RYR1: variants seen among roughly 807,000 people sequenced by gnomAD.
RYR1 encodes the protein central core disease of muscle.
RYR1 carries 342 observed loss-of-function variants against 583.5 expected under a neutral mutation model. The ratio of observed to expected loss-of-function variants is 0.59; its 90% CI spans 0.54 to 0.64. The LOEUF is 0.64. Among genes scored for constraint, RYR1 ranks in the 30% least tolerant of loss-of-function variants. The pLI is 0.00. For synonymous variants in RYR1, 2,791 were observed against 2,822.5 expected (o/e 0.99, Z 0.35); for missense variants, 6,032 against 6,917.2 (o/e 0.87, Z 4.54).
At position 38,483,201 on chromosome 19, in the gene RYR1, G is replaced by GT; in HGVS notation, c.4707+88_4708-88insT. 1 of 1,589,022 alleles carries GT rather than the reference G, an allele frequency of 6.3e-7. No homozygotes were observed. Among genetic ancestry groups the GT allele is most frequent in the Non-Finnish European group, 8.6e-7 (1 of 1,162,262 alleles). ...AGGCGGGCAGAGCCACTGAAGGGGA[G>GT]GGGGCAATCCAAGAGGTCTCCCTGG... On this transcript the variant is annotated intron_variant, in intron 32 of 105. Transcript: ENST00000359596. This position sits in a 1 kb window ranked among gnomAD's most constrained non-coding sequence, Gnocchi z 6.3.
At position 38,526,988 on chromosome 19, in the gene RYR1, C is replaced by T. The variant is rs751205719; in HGVS notation, c.10627-5C>T. Reference sequence around the variant, plus strand: ...GAGTGACCCAGCCTGGCTCTGTCTCCCCAGAAAGACACAGATGAGGAGGTC... The same window carrying T: ...GAGTGACCCAGCCTGGCTCTGTCTCTCCAGAAAGACACAGATGAGGAGGTC... On this transcript the variant is annotated splice_polypyrimidine_tract_variant and splice_region_variant and intron_variant, in intron 71 of 105. Coordinates refer to ENST00000359596, the MANE Select transcript of RYR1 (RefSeq NM_000540.3). 1.9e-5 allele frequency: 31 copies of T among 1,613,688 alleles called. No homozygotes were observed. In the South Asian group the frequency reaches 3.2e-4, roughly 17 times the overall value.
rs1291656412 is a variant in RYR1 at position 38,494,334 on chromosome 19, G to A, written c.6275-18G>A. The A allele has an allele frequency of 6.2e-7, 1 of 1,610,986 alleles. No individual in the cohort carries two copies. The highest frequency in any genetic ancestry group is 1.3e-5 in the African/African-American group (1 of 74,864). ...TGCCCTGCATGGTGCTCCAAGCCTTGCATTGTCTCCTTCCCAGGGTCCCTG... is the reference window on the plus strand; with the variant it reads ...TGCCCTGCATGGTGCTCCAAGCCTTACATTGTCTCCTTCCCAGGGTCCCTG... On this transcript the variant is annotated intron_variant, in intron 38 of 105. Transcript: ENST00000359596.
chr19:38,470,511 G>T (rs370169939), intron 27 of RYR1, among the ~76,000 whole-genome samples: 2 of 151,280 alleles, frequency 1.3e-5, no homozygotes, highest in African/African-American at 4.9e-5. Context: ...AGGCCAAGGC[G>T]GGCAGATCAC....
rs1469350494 is a variant in RYR1, at chr19:38,535,406, G to A, written c.11516+14G>A. The stretch of plus-strand genomic sequence containing the variant: ...GCAAACATGCAGGTAGGTTCGAGTG[G>A]ACCTCTTCTTGTTAAGCTGTGTTTG... On this transcript the variant is annotated intron_variant, in intron 81 of 105. Transcript: ENST00000359596. The A allele has an allele frequency of 6.2e-7, 1 of 1,605,282 alleles. No individual in the cohort carries two copies. The highest frequency in any genetic ancestry group is 8.5e-7 in the Non-Finnish European group (1 of 1,171,972).
chr19:38,445,520 G>C (rs1972899251), intron 7 of RYR1, among the ~76,000 whole-genome samples: 1 of 152,012 alleles, frequency 6.6e-6, no homozygotes, highest in Admixed American at 6.6e-5. Flanking sequence ...CCCACGCTGG[G>C]ACTCAAACCA....
rs527490439 is a variant in RYR1 at position 38,435,028 on chromosome 19, G to A, written c.45+1154G>A. 1.6e-3 allele frequency among the ~76,000 whole-genome samples: 245 copies of A among 152,170 alleles called. 1 individual carries two copies. The highest frequency in any genetic ancestry group is 6.8e-3 in the Middle Eastern group (2 of 294). On this transcript the variant is annotated intron_variant, in intron 1 of 105. Transcript: ENST00000359596. Reference sequence around the variant, plus strand: ...TCTCCCCAGCCCCAGCCCCTCAGCAGACACCATGGGTCGGGCCCTCCCCAG... The same window carrying A: ...TCTCCCCAGCCCCAGCCCCTCAGCAAACACCATGGGTCGGGCCCTCCCCAG...
Position 38,563,051 on chromosome 19 carries a change from T to C in RYR1, c.12624+1597T>C, listed in dbSNP as rs2960339. Among the ~76,000 whole-genome samples, 58,026 of 151,914 alleles carry C rather than the reference T, an allele frequency of 0.38. 11,853 individuals are homozygous for C. Among genetic ancestry groups the C allele is most frequent in the African/African-American group, 0.52 (21,742 of 41,436 alleles). The stretch of plus-strand genomic sequence containing the variant: ...TGTTCACCACGGCCCTTCCCACTCA[T>C]TCTTTGCACGTGCTGGGGGAGCTCT... On this transcript the variant is annotated intron_variant, in intron 90 of 105. Transcript: ENST00000359596.
rs1281504063 is a variant in RYR1 at position 38,443,811 on chromosome 19, G to A, written c.424+15G>A. ...GGACGCAACAGGTGCAGCAGCTGGAGGGGATGGGGGTGTGAAGGGGCCCCG... is the reference window on the plus strand; with the variant it reads ...GGACGCAACAGGTGCAGCAGCTGGAAGGGATGGGGGTGTGAAGGGGCCCCG... On this transcript the variant is annotated intron_variant, in intron 5 of 105. Coordinates refer to ENST00000359596, the MANE Select transcript of RYR1 (RefSeq NM_000540.3). The A allele has an allele frequency of 2.5e-6, 4 of 1,613,768 alleles. No individual in the cohort carries two copies. The highest frequency in any genetic ancestry group is 2.5e-6 in the Non-Finnish European group (3 of 1,179,802).
chr19:38,534,478 G>C (rs941707398), intron 78 of RYR1, among the ~76,000 whole-genome samples: 1 of 152,194 alleles, frequency 6.6e-6, no homozygotes, highest in African/African-American at 2.4e-5. Flanking sequence ...AGGCCCATGG[G>C]CCCAGGTTAA....
intron 76 of RYR1, among the ~76,000 whole-genome samples, chr19:38,530,872 G>A (rs983344109): frequency 4.0e-5 from 6 of 151,660 alleles, no homozygotes; most frequent in African/African-American, 2.4e-5. Flanking sequence ...GCGCAATCTC[G>A]GCTCGCTGCA....
chr19:38,523,126 A>C lies in RYR1; in HGVS notation c.10347+11A>C. ...TGGTCCAAGTCCCACGTGAGTGCCCACCCCAACCGCCCTCCCCACAACCAG... is the reference window on the plus strand; with the variant it reads ...TGGTCCAAGTCCCACGTGAGTGCCCCCCCCAACCGCCCTCCCCACAACCAG... On this transcript the variant is annotated intron_variant, in intron 68 of 105. Coordinates refer to ENST00000359596, the MANE Select transcript of RYR1 (RefSeq NM_000540.3). 1.2e-6 allele frequency: 2 copies of C among 1,612,734 alleles called. No individual in the cohort carries two copies. The highest frequency in any genetic ancestry group is 1.7e-6 in the Non-Finnish European group (2 of 1,179,508).
In RYR1 at chr19:38,477,877, G is replaced by A; in HGVS notation, c.4454+7G>A. ...AAGGCAACGTCCACAGCAGGTGCCGGGGCTGGGGGGAGGTGGGAGGTGCAG... is the reference window on the plus strand; with the variant it reads ...AAGGCAACGTCCACAGCAGGTGCCGAGGCTGGGGGGAGGTGGGAGGTGCAG... On this transcript the variant is annotated splice_region_variant and intron_variant, in intron 30 of 105. Transcript: ENST00000359596. The A allele has an allele frequency of 6.2e-7, 1 of 1,611,578 alleles. No homozygotes were observed.
chr19:38,469,986 C>T (rs1039144626), intron 27 of RYR1, among the ~76,000 whole-genome samples: 1 of 151,994 alleles, frequency 6.6e-6, no homozygotes, highest in Non-Finnish European at 1.5e-5. Flanking sequence ...TGGAGGATTG[C>T]TTGATTCCAA....
At chr19:38,460,628 G>C (rs1296918238) in intron 20 of RYR1, 37 bp downstream of exon 20, 1 of 1,576,002 alleles carries the variant, frequency 6.3e-7, no homozygotes, top group South Asian at 1.1e-5. Context: ...TGGCGAGGCA[G>C]GGTCTCTTAG....
In RYR1 at chr19:38,496,982, C is replaced by T; in HGVS notation, c.6891+28C>T. ...GTGGAGGGCAGGGCTGGGCCCCAGGCCTAAGGGAGGAAATCGGGCCGCTAC... is the reference window on the plus strand; with the variant it reads ...GTGGAGGGCAGGGCTGGGCCCCAGGTCTAAGGGAGGAAATCGGGCCGCTAC... On this transcript the variant is annotated intron_variant, in intron 42 of 105. Transcript: ENST00000359596. The surrounding 1 kb of genome is among the most constrained non-coding windows in gnomAD (Gnocchi z 4.8). 1 of 1,595,038 alleles carries T rather than the reference C, an allele frequency of 6.3e-7. No individual in the cohort carries two copies. Among genetic ancestry groups the T allele is most frequent in the Non-Finnish European group, 8.6e-7 (1 of 1,163,498 alleles).
chr19:38,504,770 G>A lies in RYR1; in HGVS notation c.8090G>A (p.Arg2697His), dbSNP rs1254090942. Residue 2697 changes from arginine (R) to histidine (H), a missense_variant, in exon 51 of 106, where the codon CGC becomes CAC. Around this residue, in one of 11 missense-constraint regions of RYR1, gnomAD observed 1,493 missense variants for 1,715.5 expected, o/e 0.87. Transcript: ENST00000359596. The part of the protein sequence containing the change: ...AHKKYDPELY[R>H]MAMPCLCAIA... ...CAGAAATACGACCCGGAGCTGTACCGCATGGCCATGCCTTGTCTGTGCGCC... is the reference window on the plus strand; with the variant it reads ...CAGAAATACGACCCGGAGCTGTACCACATGGCCATGCCTTGTCTGTGCGCC... 34 of 1,613,990 alleles carry A rather than the reference G, an allele frequency of 2.1e-5. No homozygotes were observed. Among genetic ancestry groups the A allele is most frequent in the East Asian group, 6.7e-5 (3 of 44,890 alleles).
intron 78 of RYR1, among the ~76,000 whole-genome samples, chr19:38,533,225 T>C (rs191655457): frequency 6.6e-6 from 1 of 152,236 alleles, no homozygotes; most frequent in Admixed American, 6.5e-5. Flanking sequence ...GAGAATAGTA[T>C]ATGCCAAGGC....
intron 1 of RYR1, among the ~76,000 whole-genome samples, chr19:38,437,408 C>CT (rs1972476553): frequency 6.6e-6 from 1 of 152,124 alleles, no homozygotes; most frequent in Admixed American, 6.6e-5. Flanking sequence ...ATTGGGCTCT[C>CT]TGTCGCTGCT....
chr19:38,564,532 T>C (rs1195603791), intron 90 of RYR1, among the ~76,000 whole-genome samples: 2 of 151,832 alleles, frequency 1.3e-5, no homozygotes, highest in African/African-American at 2.4e-5. Context: ...TTTTTTTTTT[T>C]CTTGAGACAG....
Sources: gnomAD v4.1 joint callset for allele counts (sites outside exome capture counted in the v4.1 genomes callset) on GRCh38, gnomAD v4.1.1 for gene constraint, gnomAD v4.1.1 regional missense constraint, Gnocchi (gnomAD v3.1) non-coding constraint, MANE v1.5 for transcripts, NCBI Gene and HGNC (gene_info 2026-07-23, HGNC 2026-07-21) for gene names.